CUL1: variants seen among roughly 807,000 people sequenced by gnomAD.
The protein encoded by CUL1 is cullin-1.
A neutral mutation model predicts 118.0 loss-of-function variants in CUL1; 24 were observed. The observed-to-expected ratio is 0.20, with a 90% CI of 0.15 to 0.29. The LOEUF is 0.29. CUL1 is among the 10% of genes least tolerant of loss of function. CUL1 has a pLI of 1.00. For missense variants in CUL1, 361 were observed against 933.8 expected (o/e 0.39, Z 7.99); for synonymous variants, 332 against 340.4 (o/e 0.98, Z 0.27).
At chr7:148,727,503 C>T (rs1798626707) in intron 1 of CUL1, among the ~76,000 whole-genome samples, 3 of 152,190 alleles carry the variant, frequency 2.0e-5, no homozygotes, top group South Asian at 4.1e-4. Context: ...ATGAGGTTCT[C>T]ATGAGCCTGT....
At chr7:148,757,244 T>G (rs1048054069) in intron 4 of CUL1, 94 bp downstream of exon 4, 3 of 713,378 alleles carry the variant, frequency 4.2e-6, no homozygotes, top group East Asian at 6.4e-5. Context: ...TAGGCAAATA[T>G]TAAGCTTTTT....
At chr7:148,799,750 A>T (rs1423113364) in intron 21 of CUL1, among the ~76,000 whole-genome samples, 1 of 151,308 alleles carries the variant, frequency 6.6e-6, no homozygotes, top group Admixed American at 6.6e-5. Context: ...CTTTTGCGTG[A>T]TACATAAACA....
chr7:148,766,978 T>C (rs934707321), intron 8 of CUL1, among the ~76,000 whole-genome samples: 3 of 152,214 alleles, frequency 2.0e-5, no homozygotes, highest in African/African-American at 7.2e-5. Context: ...CCAAGTTTTT[T>C]CTTGACTGTT....
rs1378949284 is a variant in CUL1, at chr7:148,800,739, C to T, written c.*157C>T. The T allele has an allele frequency of 3.4e-5, 21 of 612,024 alleles. No homozygotes were observed. The highest frequency in any genetic ancestry group is 8.4e-5 in the East Asian group (3 of 35,520). 37.9% of individuals were successfully genotyped at this position (612,024 alleles called of 1,614,324 possible). On this transcript the variant is annotated 3_prime_UTR_variant, in exon 22 of 22. Coordinates refer to ENST00000325222, the MANE Select transcript of CUL1 (RefSeq NM_003592.3). This position sits in a 1 kb window ranked among gnomAD's most constrained non-coding sequence, Gnocchi z 4.6. ...CCATCAGCTGGTCTCGGATTTACATCGGAACTGCTCAGGATTGATACATTT... is the reference window on the plus strand; with the variant it reads ...CCATCAGCTGGTCTCGGATTTACATTGGAACTGCTCAGGATTGATACATTT...
intron 2 of CUL1, among the ~76,000 whole-genome samples, chr7:148,734,531 A>C (rs183840880): frequency 5.9e-5 from 9 of 152,336 alleles, no homozygotes; most frequent in African/African-American, 2.2e-4. Flanking sequence ...GGTATGAACC[A>C]CCGCACCTGG....
chr7:148,739,009 G>A (rs1311497394), intron 2 of CUL1, among the ~76,000 whole-genome samples: 1 of 152,198 alleles, frequency 6.6e-6, no homozygotes, highest in Non-Finnish European at 1.5e-5. Flanking sequence ...GAGAGCAGCG[G>A]GGAGGCTCCG....
At chr7:148,699,431 G>T (rs1047915549) in intron 1 of CUL1, among the ~76,000 whole-genome samples, 2 of 152,062 alleles carry the variant, frequency 1.3e-5, no homozygotes. Context: ...GGGCGTCCGC[G>T]CCTCGCCTGG....
At chr7:148,703,772 T>A (rs1226986180) in intron 1 of CUL1, among the ~76,000 whole-genome samples, 1 of 152,020 alleles carries the variant, frequency 6.6e-6, no homozygotes, top group African/African-American at 2.4e-5. Context: ...ACCTCGTGAT[T>A]CACCTGCCTT....
chr7:148,759,087 A>G (rs1303952035), intron 4 of CUL1, among the ~76,000 whole-genome samples: 1 of 152,230 alleles, frequency 6.6e-6, no homozygotes, highest in Non-Finnish European at 1.5e-5. Context: ...GAAAATGTAA[A>G]TAAAGAAGTT....
intron 1 of CUL1, among the ~76,000 whole-genome samples, chr7:148,701,948 C>G (rs1797730955): frequency 6.6e-6 from 1 of 152,074 alleles, no homozygotes; most frequent in South Asian, 2.1e-4. Flanking sequence ...TCATTTTGAA[C>G]TTGTCTTTTA....
chr7:148,744,361 T>C (rs941837387), intron 2 of CUL1, among the ~76,000 whole-genome samples: 2 of 152,000 alleles, frequency 1.3e-5, no homozygotes, highest in African/African-American at 4.8e-5. Context: ...AATTTTTTTA[T>C]AGTTCCTTTT....
intron 9 of CUL1, among the ~76,000 whole-genome samples, chr7:148,778,629 A>G (rs866769205): frequency 6.6e-6 from 1 of 152,206 alleles, no homozygotes; most frequent in African/African-American, 2.4e-5. Flanking sequence ...AGGAAAAATT[A>G]TCTAGAGGTA....
chr7:148,708,486 TG>T (rs1400685780), intron 1 of CUL1, among the ~76,000 whole-genome samples: 1 of 152,246 alleles, frequency 6.6e-6, no homozygotes, highest in Non-Finnish European at 1.5e-5. Flanking sequence ...CCCTCACGCC[TG>T]GCGATGCAGT....
intron 9 of CUL1, among the ~76,000 whole-genome samples, chr7:148,773,250 AC>A (rs1356783764): frequency 1.3e-5 from 2 of 152,080 alleles, no homozygotes; most frequent in African/African-American, 2.4e-5. Flanking sequence ...ATTTTCATGA[AC>A]CCTGTCTTCC....
intron 3 of CUL1, among the ~76,000 whole-genome samples, 159 bp from the exon 4 acceptor site, chr7:148,756,824 A>G (rs1367813900): frequency 6.6e-6 from 1 of 152,180 alleles, no homozygotes; most frequent in Non-Finnish European, 1.5e-5. Context: ...TTGTGAGTTT[A>G]TATATATTAG....
chr7:148,708,419 A>G (rs1797953712), intron 1 of CUL1, among the ~76,000 whole-genome samples: 2 of 152,202 alleles, frequency 1.3e-5, no homozygotes, highest in African/African-American at 4.8e-5. Flanking sequence ...TTCCTCCCCC[A>G]TAACACTATG....
intron 2 of CUL1, among the ~76,000 whole-genome samples, chr7:148,734,681 G>A (rs766127609): frequency 4.6e-5 from 7 of 152,198 alleles, no homozygotes; most frequent in Non-Finnish European, 1.0e-4. Flanking sequence ...TATTTCAGGT[G>A]TTGTGCTTAG....
chr7:148,788,511 G>A (rs67507356), intron 13 of CUL1, 46 bp from the exon 14 acceptor site: 85,108 of 1,221,316 alleles, frequency 0.07, 3,467 homozygotes, highest in African/African-American at 0.14. Context: ...GTATACATTT[G>A]TATTTTTGTA....
intron 8 of CUL1, 21 bp from the exon 9 acceptor site, chr7:148,767,598 A>G (rs1286847605): frequency 1.9e-6 from 3 of 1,612,242 alleles, no homozygotes; most frequent in Admixed American, 3.4e-5. Context: ...AGTGCATAAA[A>G]GGGGTTTCTT....
Sources: gnomAD v4.1 joint callset for allele counts (sites outside exome capture counted in the v4.1 genomes callset) on GRCh38, gnomAD v4.1.1 for gene constraint, Gnocchi (gnomAD v3.1) non-coding constraint, MANE v1.5 for transcripts, NCBI Gene and HGNC (gene_info 2026-07-23, HGNC 2026-07-21) for gene names.